CLSTN2: variants seen among roughly 807,000 people sequenced by gnomAD.
CLSTN2 encodes the protein calsyntenin 2.
CLSTN2 carries 48 observed loss-of-function variants against 101.2 expected under a neutral mutation model. The ratio of observed to expected loss-of-function variants is 0.47; its 90% CI spans 0.38 to 0.60. The LOEUF (loss-of-function observed/expected upper bound fraction) is 0.60, where lower values mean the gene tolerates loss of function less well. Among genes scored for constraint, CLSTN2 ranks in the 20% least tolerant of loss-of-function variants. The pLI, the probability that CLSTN2 is intolerant of heterozygous loss-of-function variation, is 0.00. For synonymous variants in CLSTN2, 481 were observed against 463.6 expected, an observed-to-expected ratio of 1.04 and a Z score of -0.48; for missense variants, 1,160 against 1,238.2, an observed-to-expected ratio of 0.94 and a Z score of 0.95.
chr3:140,528,202 G>A (rs778486560), intron 8 of CLSTN2, among the ~76,000 whole-genome samples: 3 of 152,270 alleles, frequency 2.0e-5, no homozygotes, highest in South Asian at 2.1e-4. Context: ...AGGAAAAGCT[G>A]CTTCAATACT....
At chr3:140,095,578 A>G (rs1227090079) in intron 1 of CLSTN2, among the ~76,000 whole-genome samples, 1 of 152,214 alleles carries the variant, frequency 6.6e-6, no homozygotes, top group African/African-American at 2.4e-5. Flanking sequence ...ATCCTACATA[A>G]TAATTTGGAT....
At chr3:140,083,424 T>A (rs1289080345) in intron 1 of CLSTN2, among the ~76,000 whole-genome samples, 1 of 152,198 alleles carries the variant, frequency 6.6e-6, no homozygotes, top group African/African-American at 2.4e-5. Flanking sequence ...GGCTGGCTAG[T>A]TGGATGAATG....
chr3:140,283,019 G>A (rs1249028183), intron 2 of CLSTN2, among the ~76,000 whole-genome samples: 1 of 152,018 alleles, frequency 6.6e-6, no homozygotes, highest in Non-Finnish European at 1.5e-5. Context: ...TGATATCCAG[G>A]GGCTGCTCAT....
At chr3:140,305,653 T>A (rs2087107074) in intron 2 of CLSTN2, among the ~76,000 whole-genome samples, 1 of 152,074 alleles carries the variant, frequency 6.6e-6, no homozygotes, top group Non-Finnish European at 1.5e-5. Context: ...AATGACACAT[T>A]TACAGGACAA....
intron 5 of CLSTN2, among the ~76,000 whole-genome samples, chr3:140,436,361 T>C (rs2088687500): frequency 6.6e-6 from 1 of 152,248 alleles, no homozygotes; most frequent in African/African-American, 2.4e-5. Flanking sequence ...CAGTGTATGT[T>C]TCTGAAACGT....
intron 2 of CLSTN2, among the ~76,000 whole-genome samples, chr3:140,398,554 G>T (rs1371814268): frequency 6.6e-6 from 1 of 152,160 alleles, no homozygotes; most frequent in Admixed American, 6.5e-5. Flanking sequence ...GGGGATGCCA[G>T]ACTGACAGAG....
At chr3:140,429,749 C>T (rs946096608) in intron 5 of CLSTN2, among the ~76,000 whole-genome samples, 4 of 152,078 alleles carry the variant, frequency 2.6e-5, no homozygotes, top group African/African-American at 7.2e-5. Context: ...AGAGCACTCC[C>T]CCAAAAGTAC....
intron 2 of CLSTN2, among the ~76,000 whole-genome samples, chr3:140,261,950 T>C (rs2086657737): frequency 6.6e-6 from 1 of 152,196 alleles, no homozygotes; most frequent in African/African-American, 2.4e-5. Context: ...TTATCATTAA[T>C]ACTGAGAATT....
At chr3:139,999,362 G>C (rs1298418941) in intron 1 of CLSTN2, among the ~76,000 whole-genome samples, 1 of 152,104 alleles carries the variant, frequency 6.6e-6, no homozygotes, top group Admixed American at 6.5e-5. Flanking sequence ...GCAGTATTTG[G>C]TTTTTAGTTT....
intron 6 of CLSTN2, among the ~76,000 whole-genome samples, chr3:140,452,249 G>T (rs146517094): frequency 6.6e-6 from 1 of 151,970 alleles, no homozygotes; most frequent in Non-Finnish European, 1.5e-5. Context: ...CATTACTACA[G>T]CACATTTCGC....
chr3:140,555,846 G>A (rs76188869), intron 10 of CLSTN2, among the ~76,000 whole-genome samples: 2,149 of 152,226 alleles, frequency 0.014, 24 homozygotes, highest in Non-Finnish European at 0.021. Context: ...GGGGAGAATC[G>A]CCGCTACATG....
At chr3:139,944,415 C>T (rs1460295878) in intron 1 of CLSTN2, among the ~76,000 whole-genome samples, 1 of 152,238 alleles carries the variant, frequency 6.6e-6, no homozygotes, top group African/African-American at 2.4e-5. Context: ...ATGTGAAGCT[C>T]TCCAGTATTT....
chr3:140,309,705 C>G (rs2087146750), intron 2 of CLSTN2, among the ~76,000 whole-genome samples: 1 of 152,074 alleles, frequency 6.6e-6, no homozygotes, highest in Admixed American at 6.5e-5. Flanking sequence ...GAGTCACCCC[C>G]ACGTGCCCTA....
chr3:140,128,963 A>C (rs2009479513), intron 1 of CLSTN2, among the ~76,000 whole-genome samples: 1 of 152,104 alleles, frequency 6.6e-6, no homozygotes, highest in Admixed American at 6.5e-5. Flanking sequence ...GCATACTTAC[A>C]TTCTCAGTGG....
At chr3:140,393,506 A>C (rs79764987) in intron 2 of CLSTN2, among the ~76,000 whole-genome samples, 3,932 of 152,316 alleles carry the variant, frequency 0.026, 66 homozygotes, top group Non-Finnish European at 0.041. Flanking sequence ...GGGAAACTCC[A>C]TGCCTGCTAG....
At chr3:140,371,041 AAAC>A (rs1375630261) in intron 2 of CLSTN2, among the ~76,000 whole-genome samples, 27 of 152,340 alleles carry the variant, frequency 1.8e-4, no homozygotes, top group Middle Eastern at 3.4e-3. Context: ...TGCTAAGTGA[AAAC>A]AACACCTTTT....
chr3:140,209,733 C>T (rs1209865796), intron 2 of CLSTN2, among the ~76,000 whole-genome samples: 2 of 152,012 alleles, frequency 1.3e-5, no homozygotes, highest in Non-Finnish European at 2.9e-5. Context: ...CCACTCACTC[C>T]CTTGGGCTAG....
chr3:140,075,262 G>A (rs1214390948), intron 1 of CLSTN2, among the ~76,000 whole-genome samples: 1 of 151,780 alleles, frequency 6.6e-6, no homozygotes, highest in Non-Finnish European at 1.5e-5. Flanking sequence ...TTCTAGTTTA[G>A]GTGGATGTTT....
At chr3:140,226,643 G>A (rs1323594702) in intron 2 of CLSTN2, among the ~76,000 whole-genome samples, 1 of 152,134 alleles carries the variant, frequency 6.6e-6, no homozygotes, top group Non-Finnish European at 1.5e-5. Flanking sequence ...ACTAGATAAT[G>A]GAACAGGACC....
Sources: allele counts gnomAD v4.1 joint callset (sites outside exome capture counted in the v4.1 genomes callset), GRCh38; gene constraint gnomAD v4.1.1; transcripts MANE v1.5; gene names NCBI Gene and HGNC (gene_info 2026-07-23, HGNC 2026-07-21).